The following CPS1 variants were observed in gnomAD, a reference collection of about 807,000 sequenced individuals.
The protein encoded by CPS1 is carbamoyl-phosphate synthase [ammonia], mitochondrial.
A neutral mutation model predicts 174.6 loss-of-function variants in CPS1; 109 were observed. The observed-to-expected ratio is 0.62, with a 90% CI of 0.53 to 0.73. CPS1 has a LOEUF of 0.73. CPS1 is among the 30% of genes least tolerant of loss of function. The pLI, the probability that CPS1 is intolerant of heterozygous loss-of-function variation, is 0.00. For synonymous variants in CPS1, 637 were observed against 632.0 expected (o/e 1.01, Z -0.12); for missense variants, 1,689 against 1,821.9 (o/e 0.93, Z 1.33).
chr2:210,612,551 G>A (rs192793502), intron 20 of CPS1, among the ~76,000 whole-genome samples: 5 of 151,830 alleles, frequency 3.3e-5, no homozygotes, highest in African/African-American at 1.2e-4. Flanking sequence ...TGATTAAATA[G>A]ATAAAATGTC....
At chr2:210,612,797 A>G (rs1459344514) in intron 20 of CPS1, among the ~76,000 whole-genome samples, 1 of 151,966 alleles carries the variant, frequency 6.6e-6, no homozygotes, top group Non-Finnish European at 1.5e-5. Flanking sequence ...CCACATGATT[A>G]TAGGGTTTTC....
intron 18 of CPS1, among the ~76,000 whole-genome samples, chr2:210,607,931 T>C (rs1392468615): frequency 6.6e-6 from 1 of 151,940 alleles, no homozygotes; most frequent in Non-Finnish European, 1.5e-5. Flanking sequence ...GACCATTATG[T>C]ACTCTCTTGT....
At chr2:210,559,663 G>T (rs1354555505) in intron 1 of CPS1, among the ~76,000 whole-genome samples, 1 of 152,056 alleles carries the variant, frequency 6.6e-6, no homozygotes, top group Non-Finnish European at 1.5e-5. Context: ...CATTCAGCAG[G>T]CTGTAACAGT....
chr2:210,671,666 C>G (rs1274178440), intron 34 of CPS1: 1 of 152,122 alleles, frequency 6.6e-6, no homozygotes, highest in Non-Finnish European at 1.5e-5. Context: ...CACAAGTGTT[C>G]AATACATGTT....
intron 29 of CPS1, 99 bp from the exon 30 acceptor site, chr2:210,656,426 T>C (rs1700707587): frequency 2.5e-6 from 2 of 799,304 alleles, no homozygotes; most frequent in Admixed American, 1.9e-5. Context: ...TAGTGCTCAG[T>C]GCATCTGTTA....
intron 16 of CPS1, among the ~76,000 whole-genome samples, chr2:210,604,370 A>G: frequency 6.6e-6 from 1 of 151,884 alleles, no homozygotes; most frequent in Admixed American, 6.6e-5. Context: ...TCTCCCTTGG[A>G]TTATCAGCCA....
chr2:210,495,964 T>G (rs756169210), intron 1 of CPS1, among the ~76,000 whole-genome samples: 6 of 151,622 alleles, frequency 4.0e-5, no homozygotes, highest in Non-Finnish European at 7.4e-5. Flanking sequence ...CCCTCCTTCC[T>G]TACCTTCCTC....
chr2:210,511,602 A>G (rs943239949), intron 1 of CPS1, among the ~76,000 whole-genome samples: 1 of 152,250 alleles, frequency 6.6e-6, no homozygotes, highest in East Asian at 1.9e-4. Context: ...GAGACTCAGT[A>G]TTCAAAGACT....
rs570950071 is a variant in CPS1 at position 210,546,187 on chromosome 2, A to C, written c.4-10532A>C. Reference sequence around the variant, plus strand: ...TCTCGGATCTAGCACCATGCTTGGCATGTAAAAGGGCTTTAATAAGTATTT... The same window carrying C: ...TCTCGGATCTAGCACCATGCTTGGCCTGTAAAAGGGCTTTAATAAGTATTT... On this transcript the variant is annotated intron_variant, in intron 1 of 38. Transcript: ENST00000430249. Among the ~76,000 whole-genome samples, 7 of 152,178 alleles carry C rather than the reference A, an allele frequency of 4.6e-5. No homozygotes were observed. In the East Asian group the frequency reaches 1.4e-3, roughly 30 times the overall value.
intron 22 of CPS1, 41 bp from the exon 23 acceptor site, chr2:210,639,109 T>C (rs773176572): frequency 1.9e-5 from 29 of 1,525,060 alleles, no homozygotes; most frequent in Non-Finnish European, 2.4e-5. Flanking sequence ...AAAATTATAA[T>C]AACATTCTTA....
chr2:210,578,270 G>A (rs942955929), intron 4 of CPS1, among the ~76,000 whole-genome samples: 3 of 151,682 alleles, frequency 2.0e-5, no homozygotes, highest in Non-Finnish European at 2.9e-5. Flanking sequence ...CACCATGCCC[G>A]GCTAATTTTT....
intron 1 of CPS1, among the ~76,000 whole-genome samples, chr2:210,549,793 T>C (rs1696675076): frequency 6.6e-6 from 1 of 152,014 alleles, no homozygotes; most frequent in Non-Finnish European, 1.5e-5. Context: ...ACAAAACATC[T>C]TTCAGCAGAA....
intron 1 of CPS1, among the ~76,000 whole-genome samples, chr2:210,561,482 A>C (rs1024859161): frequency 6.6e-6 from 1 of 152,178 alleles, no homozygotes. Flanking sequence ...AATGGAGACT[A>C]TTCCTCTGCC....
At chr2:210,523,012 C>T (rs554848165) in intron 1 of CPS1, among the ~76,000 whole-genome samples, 2 of 152,066 alleles carry the variant, frequency 1.3e-5, no homozygotes, top group South Asian at 2.1e-4. Context: ...TCTGAGCAAA[C>T]TCTGGTGAAA....
intron 13 of CPS1, among the ~76,000 whole-genome samples, chr2:210,598,857 A>G (rs374307034): frequency 6.6e-6 from 1 of 151,916 alleles, no homozygotes; most frequent in East Asian, 1.9e-4. Context: ...CATTGGACCA[A>G]ATGGATCTGA....
chr2:210,672,302 G>A (rs1701336541), intron 34 of CPS1: 1 of 152,150 alleles, frequency 6.6e-6, no homozygotes, highest in African/African-American at 2.4e-5. Flanking sequence ...ATAAAAGATT[G>A]AGGAAAGTTG....
chr2:210,583,922 C>T (rs543631590), intron 6 of CPS1, among the ~76,000 whole-genome samples: 6 of 152,176 alleles, frequency 3.9e-5, no homozygotes, highest in African/African-American at 9.6e-5. Flanking sequence ...AGAACAGATA[C>T]GGCAACCTAG....
chr2:210,512,861 T>TATATATATATATAG lies in CPS1; in HGVS notation c.3+35096_3+35097insTATATATATATAGA, dbSNP rs1553502800. Among the ~76,000 whole-genome samples the TATATATATATATAG allele has an allele frequency of 4.3e-5, 2 of 46,240 alleles. 1 individual carries two copies. The highest frequency in any genetic ancestry group is 1.6e-4 in the African/African-American group (2 of 12,142). The allele number at this position is 46,240 out of a possible 152,430, so 30.3% of individuals were successfully genotyped here. On this transcript the variant is annotated intron_variant, in intron 1 of 38. Transcript: ENST00000430249. ...ATACATATATGGAGATATATATATATAGATATATATATATAGAGATATATA... is the reference window on the plus strand; with the variant it reads ...ATACATATATGGAGATATATATATATATATATATATATAGAGATATATATATATAGAGATATATA...
At chr2:210,667,484 C>T (rs1192819363) in intron 33 of CPS1, among the ~76,000 whole-genome samples, 2 of 152,050 alleles carry the variant, frequency 1.3e-5, no homozygotes, top group Non-Finnish European at 1.5e-5. Context: ...GCACAATTAC[C>T]GTAAACCTAA....
Sources: allele counts gnomAD v4.1 joint callset (sites outside exome capture counted in the v4.1 genomes callset), GRCh38; gene constraint gnomAD v4.1.1; transcripts MANE v1.5; gene names NCBI Gene and HGNC (gene_info 2026-07-23, HGNC 2026-07-21).